Variants in FNDC3A observed in about 807,000 individuals in gnomAD.
FNDC3A encodes the protein fibronectin type-III domain-containing protein 3A.
Under a neutral mutation model 148.9 loss-of-function variants are expected in FNDC3A, and 32 were observed. The observed-to-expected ratio is 0.21, with a 90% confidence interval of 0.16 to 0.29. The LOEUF is 0.29. Ranked by LOEUF, FNDC3A falls within the 10% of genes least tolerant of loss-of-function variation. The probability of loss-of-function intolerance (pLI) is 1.00; values close to 1 mark genes in which losing one functional copy is unlikely to be tolerated. For missense variants in FNDC3A, 1,191 were observed against 1,452.8 expected, an observed-to-expected ratio of 0.82 and a Z score of 2.93; for synonymous variants, 472 against 473.6, an observed-to-expected ratio of 1.00 and a Z score of 0.04.
At chr13:49,120,811 TG>T (rs1881289569) in intron 4 of FNDC3A, among the ~76,000 whole-genome samples, 1 of 152,162 alleles carries the variant, frequency 6.6e-6, no homozygotes, top group Middle Eastern at 3.2e-3. Flanking sequence ...TAAATATATA[TG>T]AACCCAATAC....
chr13:49,106,773 CA>C (rs543962565), intron 3 of FNDC3A, among the ~76,000 whole-genome samples: 137 of 79,880 alleles, frequency 1.7e-3, no homozygotes, highest in African/African-American at 2.4e-3. Flanking sequence ...TGAATGAAAG[CA>C]AAAAAAAAAA....
chr13:49,025,235 G>C (rs1333937990), intron 2 of FNDC3A, among the ~76,000 whole-genome samples: 1 of 151,908 alleles, frequency 6.6e-6, no homozygotes, highest in Non-Finnish European at 1.5e-5. Flanking sequence ...GTGCACACTG[G>C]TTTATAACAT....
chr13:49,145,934 G>A lies in FNDC3A; in HGVS notation c.976G>A (p.Val326Ile), dbSNP rs148351632. Reference sequence around the variant, plus strand: ...AGATGGGAAATACAAAAGTGTATATGTGTAGGTATTTGTTGTTTTGCTTTC... The same window carrying A: ...AGATGGGAAATACAAAAGTGTATATATGTAGGTATTTGTTGTTTTGCTTTC... ...GKDGKYKSVY[V>I]GEETNITLND... Residue 326 changes from valine to isoleucine, a missense_variant and splice_region_variant, in exon 8 of 26, where the codon GTA becomes ATA. Val to Ile is a conservative substitution (Grantham distance 29, BLOSUM62 3). Around this residue, in one of 3 missense-constraint regions of FNDC3A, gnomAD observed 426 missense variants for 473.2 expected, o/e 0.90. Coordinates refer to ENST00000492622, the MANE Select transcript of FNDC3A (RefSeq NM_001079673.2). The A allele has an allele frequency of 1.2e-6, 2 of 1,603,888 alleles. No individual in the cohort carries two copies. Among genetic ancestry groups the A allele is most frequent in the Non-Finnish European group, 1.7e-6 (2 of 1,175,626 alleles).
At chr13:49,032,114 T>C (rs1874162847) in intron 2 of FNDC3A, among the ~76,000 whole-genome samples, 2 of 152,126 alleles carry the variant, frequency 1.3e-5, no homozygotes, top group Admixed American at 1.3e-4. Context: ...CCCATTATAA[T>C]GGGTAGAATT....
At chr13:49,063,919 A>G (rs892477968) in intron 2 of FNDC3A, among the ~76,000 whole-genome samples, 3 of 152,150 alleles carry the variant, frequency 2.0e-5, no homozygotes, top group Non-Finnish European at 4.4e-5. Context: ...TTTTTATTTG[A>G]AAAAAGAGAA....
intron 13 of FNDC3A, among the ~76,000 whole-genome samples, chr13:49,177,218 A>C (rs1340137340): frequency 6.6e-6 from 1 of 152,140 alleles, no homozygotes; most frequent in Non-Finnish European, 1.5e-5. Flanking sequence ...TGTTTTAGGG[A>C]AACTATGAGG....
Position 49,185,971 on chromosome 13 carries a change from C to A in FNDC3A, c.1625C>A (p.Ala542Asp). 1 of 1,610,338 alleles carries A rather than the reference C, an allele frequency of 6.2e-7. No individual in the cohort carries two copies. The highest frequency in any genetic ancestry group is 8.5e-7 in the Non-Finnish European group (1 of 1,177,312). The change falls in exon 15 of 26, where the codon GCT (alanine) becomes GAT (aspartate). Residue 542 changes from alanine to aspartate, a missense_variant. By Grantham distance (126) the Ala-to-Asp change is moderately radical. Around this residue, in one of 3 missense-constraint regions of FNDC3A, gnomAD observed 751 missense variants for 944.0 expected, o/e 0.80. Coordinates refer to ENST00000492622, the MANE Select transcript of FNDC3A (RefSeq NM_001079673.2). ...RSTKYKFKVIAYNSEGKSNPS... is the reference protein window; with the variant it reads ...RSTKYKFKVIDYNSEGKSNPS... ...TTTCTGTTCTCATCACAGGTTATTG[C>A]TTACAACTCAGAAGGTAAAAGTAAT...
chr13:49,100,688 G>A (rs191777254), intron 3 of FNDC3A, among the ~76,000 whole-genome samples: 4 of 152,152 alleles, frequency 2.6e-5, no homozygotes, highest in Admixed American at 2.6e-4. Flanking sequence ...AACTTTTAAT[G>A]TCTTTACTTG....
At chr13:49,033,634 G>C (rs905137277) in intron 2 of FNDC3A, among the ~76,000 whole-genome samples, 4 of 151,856 alleles carry the variant, frequency 2.6e-5, no homozygotes, top group Non-Finnish European at 5.9e-5. Context: ...AGCAGCAGTT[G>C]AATGAAAAAA....
At chr13:49,196,006 C>T (rs978823449) in intron 19 of FNDC3A, among the ~76,000 whole-genome samples, 1 of 142,170 alleles carries the variant, frequency 7.0e-6, no homozygotes, top group Non-Finnish European at 1.5e-5. Context: ...CCCAGGAAGT[C>T]GAGGGTGCAG....
At chr13:49,026,292 A>G (rs1307405807) in intron 2 of FNDC3A, among the ~76,000 whole-genome samples, 1 of 152,242 alleles carries the variant, frequency 6.6e-6, no homozygotes, top group African/African-American at 2.4e-5. Flanking sequence ...GATACACTCC[A>G]AGTTCGGAAA....
intron 4 of FNDC3A, among the ~76,000 whole-genome samples, chr13:49,119,273 A>G (rs1881175449): frequency 6.6e-6 from 1 of 152,332 alleles, no homozygotes; most frequent in South Asian, 2.1e-4. Context: ...CCTGACTACT[A>G]GAAGGAAAGT....
At chr13:49,107,358 GA>G (rs960163619) in intron 3 of FNDC3A, among the ~76,000 whole-genome samples, 2 of 152,058 alleles carry the variant, frequency 1.3e-5, no homozygotes, top group African/African-American at 4.8e-5. Flanking sequence ...TGATGGGGCA[GA>G]AAAAAAGTGT....
intron 1 of FNDC3A, among the ~76,000 whole-genome samples, chr13:48,981,038 C>T (rs1951685847): frequency 6.6e-6 from 1 of 152,136 alleles, no homozygotes; most frequent in Non-Finnish European, 1.5e-5. Flanking sequence ...ATACTTAGTA[C>T]ATACAGTACC....
intron 5 of FNDC3A, among the ~76,000 whole-genome samples, chr13:49,133,283 GA>G (rs1435764582): frequency 6.6e-6 from 1 of 152,038 alleles, no homozygotes; most frequent in East Asian, 1.9e-4. Context: ...TGCTAATTAT[GA>G]CTTAGTTTTA....
At chr13:49,203,112 T>G in intron 24 of FNDC3A, 45 bp from the exon 25 acceptor site, 3 of 1,350,074 alleles carry the variant, frequency 2.2e-6, no homozygotes. Flanking sequence ...TGTACCAAAT[T>G]AAAAATCAAG....
chr13:49,100,757 A>T (rs543753483), intron 3 of FNDC3A, among the ~76,000 whole-genome samples: 19 of 152,304 alleles, frequency 1.2e-4, no homozygotes, highest in African/African-American at 4.6e-4. Context: ...TTGCTGTCAC[A>T]TAAATCCAAA....
In FNDC3A at chr13:49,019,250, C is replaced by T. The variant is rs576415026; in HGVS notation, c.99+12961C>T. ...CTCAGACTGCTGTGCTAGCAATCAG[C>T]GAGACTCCGTGGGCGTAGGACCCTC... On this transcript the variant is annotated intron_variant, in intron 2 of 25. Coordinates refer to ENST00000492622, the MANE Select transcript of FNDC3A (RefSeq NM_001079673.2). Among the ~76,000 whole-genome samples the T allele has an allele frequency of 2.3e-3, 354 of 152,334 alleles. 3 individuals are homozygous for T. Among genetic ancestry groups the T allele is most frequent in the African/African-American group, 7.2e-3 (301 of 41,574 alleles).
At chr13:49,021,616 A>G (rs1253533490) in intron 2 of FNDC3A, among the ~76,000 whole-genome samples, 1 of 152,192 alleles carries the variant, frequency 6.6e-6, no homozygotes, top group East Asian at 1.9e-4. Flanking sequence ...TTAAAATGAC[A>G]CAAAGCTCAC....
Sources: allele counts gnomAD v4.1 joint callset (sites outside exome capture counted in the v4.1 genomes callset), GRCh38; gene constraint gnomAD v4.1.1; regional missense constraint gnomAD v4.1.1; transcripts MANE v1.5; gene names NCBI Gene and HGNC (gene_info 2026-07-23, HGNC 2026-07-21).